Variants in HCRTR2 observed in about 807,000 individuals in gnomAD.
The protein encoded by HCRTR2 is hypocretin receptor 2, also known as orexin receptor type 2.
In HCRTR2, 22 loss-of-function variants were observed where a neutral mutation model predicts 49.0. That is an observed-to-expected ratio of 0.45 (90% confidence interval 0.32 to 0.64). HCRTR2 has a LOEUF of 0.64. HCRTR2 is among the 30% of genes least tolerant of loss of function. HCRTR2 has a pLI of 0.04. For missense variants in HCRTR2, 491 were observed against 559.4 expected (o/e 0.88, Z 1.23); for synonymous variants, 236 against 205.3 (o/e 1.15, Z -1.28).
intron 1 of HCRTR2, among the ~76,000 whole-genome samples, chr6:55,115,089 G>T (rs902265005): frequency 2.0e-5 from 3 of 151,738 alleles, no homozygotes; most frequent in Non-Finnish European, 3.0e-5. Context: ...GCAGAATTAA[G>T]GTGTACTACC....
intron 1 of HCRTR2, among the ~76,000 whole-genome samples, chr6:55,209,814 C>G (rs184939237): frequency 6.6e-6 from 1 of 152,034 alleles, no homozygotes; most frequent in Admixed American, 6.6e-5. Flanking sequence ...AAATGATCTG[C>G]TTTTTGTTTC....
At chr6:55,197,313 A>G (rs149181306) in intron 1 of HCRTR2, among the ~76,000 whole-genome samples, 52 of 152,186 alleles carry the variant, frequency 3.4e-4, no homozygotes, top group African/African-American at 1.2e-3. Flanking sequence ...TTACCCTTTT[A>G]TCCCAAATCC....
chr6:55,280,539 T>C, intron 6 of HCRTR2, 95 bp downstream of exon 6: 2 of 1,546,832 alleles, frequency 1.3e-6, no homozygotes, highest in Non-Finnish European at 1.8e-6. Context: ...TTAGTTGCTA[T>C]GTGAGTTGTA....
chr6:55,130,793 C>A (rs1404828544), intron 1 of HCRTR2, among the ~76,000 whole-genome samples: 1 of 151,764 alleles, frequency 6.6e-6, no homozygotes, highest in Admixed American at 6.6e-5. Context: ...AATATCCCAC[C>A]CCAACACACA....
At chr6:55,255,524 A>T (rs1766637267) in intron 3 of HCRTR2, 145 bp downstream of exon 3, 1 of 872,972 alleles carries the variant, frequency 1.1e-6, no homozygotes, top group Non-Finnish European at 1.9e-6. Context: ...AACCAACTTG[A>T]ATTTCAAAAC....
At chr6:55,169,309 C>T (rs1032378417) in intron 1 of HCRTR2, among the ~76,000 whole-genome samples, 2 of 151,224 alleles carry the variant, frequency 1.3e-5, no homozygotes, top group Admixed American at 1.3e-4. Flanking sequence ...ACGGAGAGAA[C>T]CTTGTCTGAG....
At position 55,183,969 on chromosome 6, in the gene HCRTR2, C is replaced by G. The variant is rs562913980; in HGVS notation, c.223+9159C>G. Among the ~76,000 whole-genome samples the G allele has an allele frequency of 2.3e-3, 348 of 152,058 alleles. 3 individuals carry two copies. The highest frequency in any genetic ancestry group is 7.7e-3 in the African/African-American group (318 of 41,478). ...TTGAGATAAAGTCTCACTCTGTTGC[C>G]CAGGCTGGAGTGCAGTGGCGCCATT... On this transcript the variant is annotated intron_variant, in intron 1 of 6. Coordinates refer to ENST00000370862, the MANE Select transcript of HCRTR2 (RefSeq NM_001384272.1).
At chr6:55,206,858 G>C (rs975221798) in intron 1 of HCRTR2, among the ~76,000 whole-genome samples, 10 of 152,088 alleles carry the variant, frequency 6.6e-5, no homozygotes, top group Non-Finnish European at 1.2e-4. Context: ...AATAATTTTT[G>C]TGTGAGTATT....
At chr6:55,167,573 C>A (rs530787912) in intron 1 of HCRTR2, among the ~76,000 whole-genome samples, 17 of 152,238 alleles carry the variant, frequency 1.1e-4, no homozygotes, top group Non-Finnish European at 2.2e-4. Flanking sequence ...GTATTGAAAG[C>A]ACACAGAAGT....
At chr6:55,158,615 T>C (rs1476339581) in intron 1 of HCRTR2, among the ~76,000 whole-genome samples, 1 of 152,112 alleles carries the variant, frequency 6.6e-6, no homozygotes, top group Non-Finnish European at 1.5e-5. Flanking sequence ...TTGAGCTTGG[T>C]GGAGAGAGGG....
chr6:55,186,073 T>C (rs1483157501), intron 1 of HCRTR2, among the ~76,000 whole-genome samples: 2 of 152,228 alleles, frequency 1.3e-5, no homozygotes, highest in Admixed American at 6.5e-5. Context: ...CATTTCAAAT[T>C]GAATTGTTAA....
At chr6:55,182,277 C>T (rs1040705250) in intron 1 of HCRTR2, among the ~76,000 whole-genome samples, 25 of 152,204 alleles carry the variant, frequency 1.6e-4, no homozygotes, top group African/African-American at 5.5e-4. Context: ...CGTGTAGTCC[C>T]TTTGCATATT....
chr6:55,126,428 G>A (rs559493656), intron 1 of HCRTR2, among the ~76,000 whole-genome samples: 4 of 152,300 alleles, frequency 2.6e-5, no homozygotes, highest in Admixed American at 1.3e-4. Flanking sequence ...ATCACCAGAG[G>A]AGGCTGTAGA....
intron 1 of HCRTR2, among the ~76,000 whole-genome samples, chr6:55,237,093 CTTTG>C (rs1331152307): frequency 6.6e-6 from 1 of 151,930 alleles, no homozygotes; most frequent in Non-Finnish European, 1.5e-5. Context: ...TGTTAAATCT[CTTTG>C]TTGTGTTTCC....
intron 1 of HCRTR2, among the ~76,000 whole-genome samples, chr6:55,169,413 A>G (rs1764918904): frequency 1.3e-5 from 2 of 151,710 alleles, no homozygotes; most frequent in Non-Finnish European, 2.9e-5. Context: ...ATTTGTGACA[A>G]GTAGCTTTGA....
intron 1 of HCRTR2, among the ~76,000 whole-genome samples, chr6:55,175,428 A>G (rs1307928835): frequency 6.6e-6 from 1 of 152,156 alleles, no homozygotes; most frequent in Non-Finnish European, 1.5e-5. Context: ...TGCCTGGAGC[A>G]AGAAGGAGGG....
intron 4 of HCRTR2, 85 bp downstream of exon 4, chr6:55,263,907 C>CTT: frequency 2.3e-6 from 2 of 862,936 alleles, no homozygotes; most frequent in Non-Finnish European, 3.8e-6. Flanking sequence ...TTTGTCTGTG[C>CTT]TTTTTTTTTA....
rs1177375536 is a variant in HCRTR2 at position 55,198,475 on chromosome 6, C to T, written c.223+23665C>T. ...CCCTACACAAAATCCTGCACCTAAA[C>T]TCAACCCTAACTTTAAACCTACCTC... On this transcript the variant is annotated intron_variant, in intron 1 of 6. Coordinates refer to ENST00000370862, the MANE Select transcript of HCRTR2 (RefSeq NM_001384272.1). Among the ~76,000 whole-genome samples the T allele has an allele frequency of 2.6e-5, 4 of 152,178 alleles. No homozygotes were observed. The East Asian group carries it at 7.7e-4, about 29-fold the overall frequency.
chr6:55,168,746 T>C (rs138653969), intron 1 of HCRTR2, among the ~76,000 whole-genome samples: 1 of 151,872 alleles, frequency 6.6e-6, no homozygotes, highest in Non-Finnish European at 1.5e-5. Flanking sequence ...TTTTTTTAAG[T>C]TTTTCATAGA....
Sources: allele counts gnomAD v4.1 joint callset (sites outside exome capture counted in the v4.1 genomes callset), GRCh38; gene constraint gnomAD v4.1.1; transcripts MANE v1.5; gene names NCBI Gene and HGNC (gene_info 2026-07-23, HGNC 2026-07-21).